Variants in ACADSB observed in about 807,000 individuals in gnomAD.
The protein encoded by ACADSB is acyl-CoA dehydrogenase short/branched chain.
Under a neutral mutation model 54.1 loss-of-function variants are expected in ACADSB, and 40 were observed. The observed-to-expected ratio is 0.74, with a 90% confidence interval of 0.57 to 0.96. The LOEUF is 0.96. Among genes scored for constraint, ACADSB ranks in the 40% least tolerant of loss-of-function variants. The pLI, the probability that ACADSB is intolerant of heterozygous loss-of-function variation, is 0.00. For missense variants in ACADSB, 530 were observed against 510.4 expected (o/e 1.04, Z -0.37); for synonymous variants, 182 against 182.8 (o/e 1.00, Z 0.03).
Position 123,051,198 on chromosome 10 carries a change from A to C in ACADSB, c.1128+12A>C. On this transcript the variant is annotated intron_variant, in intron 9 of 10. Coordinates refer to ENST00000358776, the MANE Select transcript of ACADSB (RefSeq NM_001609.4). ...ACTATGCATCAGAGGTAAAAAAAAA[A>C]AAAAAAAAAAAAAAGGAAAAAGTAA... 1 of 1,380,872 alleles carries C rather than the reference A, an allele frequency of 7.2e-7. No individual in the cohort carries two copies. Among genetic ancestry groups the C allele is most frequent in the Non-Finnish European group, 9.6e-7 (1 of 1,046,856 alleles). 85.5% of individuals were successfully genotyped at this position (1,380,872 alleles called of 1,614,324 possible). A position where few individuals can be genotyped will look rare whatever the true frequency, so the allele number is the denominator to read the frequency against.
chr10:123,042,240 A>C (rs1850485072), intron 5 of ACADSB, among the ~76,000 whole-genome samples: 1 of 152,102 alleles, frequency 6.6e-6, no homozygotes, highest in South Asian at 2.1e-4. Context: ...TGCTGGGATT[A>C]TAGGCGTGAA....
In ACADSB at chr10:123,037,743, A is replaced by T; in HGVS notation, c.203-4A>T. The T allele has an allele frequency of 6.3e-7, 1 of 1,590,666 alleles. No individual in the cohort carries two copies. The highest frequency in any genetic ancestry group is 8.6e-7 in the Non-Finnish European group (1 of 1,158,942). On this transcript the variant is annotated splice_region_variant and splice_polypyrimidine_tract_variant and intron_variant, in intron 2 of 10. Coordinates refer to ENST00000358776, the MANE Select transcript of ACADSB (RefSeq NM_001609.4). ...AGACTTATCAGTAATTCTTTTTCCT[A>T]CAGTTAAAAAATTTGCTCAGGAACA...
intron 1 of ACADSB, among the ~76,000 whole-genome samples, chr10:123,021,617 C>G (rs964922601): frequency 6.6e-6 from 1 of 152,142 alleles, no homozygotes; most frequent in Non-Finnish European, 1.5e-5. Flanking sequence ...AAACATCACA[C>G]GCATAACACA....
chr10:123,020,688 A>G (rs1436817156), intron 1 of ACADSB, among the ~76,000 whole-genome samples: 1 of 152,214 alleles, frequency 6.6e-6, no homozygotes, highest in Non-Finnish European at 1.5e-5. Context: ...TACATTCTCA[A>G]AAACAATGTA....
At chr10:123,010,602 G>C (rs1850014884) in intron 1 of ACADSB, among the ~76,000 whole-genome samples, 1 of 152,198 alleles carries the variant, frequency 6.6e-6, no homozygotes, top group Non-Finnish European at 1.5e-5. Flanking sequence ...TTGGGTCTCA[G>C]TTTCCTGGTC....
intron 1 of ACADSB, among the ~76,000 whole-genome samples, chr10:123,030,929 C>G (rs1317318861): frequency 1.3e-5 from 2 of 152,066 alleles, no homozygotes; most frequent in Admixed American, 1.3e-4. Flanking sequence ...TAGAGGGTTA[C>G]AAAGGAAATC....
intron 1 of ACADSB, among the ~76,000 whole-genome samples, chr10:123,011,876 A>C (rs1210613864): frequency 6.7e-6 from 1 of 149,104 alleles, no homozygotes. Context: ...TTTTTAGACA[A>C]GTTTTCACTC....
At chr10:123,047,430 ATAGGTC>A (rs1850575736) in intron 8 of ACADSB, 132 bp downstream of exon 8, 1 of 705,288 alleles carries the variant, frequency 1.4e-6, no homozygotes, top group Non-Finnish European at 2.5e-6. Context: ...GGAGGAAAGA[ATAGGTC>A]TCAGGGAGTG....
At chr10:123,020,263 A>T (rs1019481373) in intron 1 of ACADSB, among the ~76,000 whole-genome samples, 1 of 152,184 alleles carries the variant, frequency 6.6e-6, no homozygotes, top group Non-Finnish European at 1.5e-5. Flanking sequence ...ATATTTGCCT[A>T]TTCATCTTCA....
At position 123,019,976 on chromosome 10, in the gene ACADSB, A is replaced by G. The variant is rs531420339; in HGVS notation, c.42+10905A>G. Among the ~76,000 whole-genome samples the G allele has an allele frequency of 2.6e-5, 4 of 152,156 alleles. No homozygotes were observed. In the South Asian group the frequency reaches 8.3e-4, roughly 32 times the overall value. On this transcript the variant is annotated intron_variant, in intron 1 of 10. Transcript: ENST00000358776. ...CAGTCTTTTTTTTGTTTTTTTGCTGAATAGAATTTATTGTGAGGGAAGGAA... is the reference window on the plus strand; with the variant it reads ...CAGTCTTTTTTTTGTTTTTTTGCTGGATAGAATTTATTGTGAGGGAAGGAA...
At chr10:123,025,950 A>G (rs1850244860) in intron 1 of ACADSB, among the ~76,000 whole-genome samples, 1 of 152,088 alleles carries the variant, frequency 6.6e-6, no homozygotes, top group Non-Finnish European at 1.5e-5. Flanking sequence ...AATCCCAGCT[A>G]CGCAGGAGGC....
chr10:123,048,942 T>A (rs1164257928), intron 8 of ACADSB, among the ~76,000 whole-genome samples: 1 of 152,104 alleles, frequency 6.6e-6, no homozygotes, highest in Non-Finnish European at 1.5e-5. Flanking sequence ...GGTCTTGATC[T>A]CCTGACCTCG....
Position 123,047,269 on chromosome 10 carries a change from C to T in ACADSB, c.961C>T (p.Gln321Ter), listed in dbSNP as rs1479740047. ...TATTCCATATATTAAAGAAAGGATA[C>T]AATTTGGCAAAAGACTATTTGATTT... ...YTIPYIKERI[Q>*]FGKRLFDFQG... is the part of the protein sequence containing the mutation. Residue 321 changes from glutamine to a stop codon, truncating the protein, a stop_gained, in exon 8 of 11, where the codon CAA becomes TAA. Transcript: ENST00000358776. LOFTEE classifies it high-confidence loss of function. 6.2e-7 allele frequency: 1 copy of T among 1,605,562 alleles called. No homozygotes were observed. Among genetic ancestry groups the T allele is most frequent in the Non-Finnish European group, 8.5e-7 (1 of 1,172,304 alleles).
chr10:123,029,360 GAAAA>G (rs545734756), intron 1 of ACADSB, among the ~76,000 whole-genome samples: 1 of 134,496 alleles, frequency 7.4e-6, no homozygotes. Context: ...AAAAAGAGAA[GAAAA>G]AAAAAAAAGA....
chr10:123,044,879 A>G (rs970870200), intron 7 of ACADSB, among the ~76,000 whole-genome samples: 2 of 152,026 alleles, frequency 1.3e-5, no homozygotes, highest in African/African-American at 2.4e-5. Flanking sequence ...TAGTAAAGAT[A>G]TCTATAGTTA....
At position 123,040,455 on chromosome 10, in the gene ACADSB, T is replaced by G. The variant is rs1455678573; in HGVS notation, c.304-11T>G. 1 of 1,611,232 alleles carries G rather than the reference T, an allele frequency of 6.2e-7. No individual in the cohort carries two copies. The highest frequency in any genetic ancestry group is 8.5e-7 in the Non-Finnish European group (1 of 1,177,456). On this transcript the variant is annotated splice_polypyrimidine_tract_variant and intron_variant, in intron 3 of 10. Coordinates refer to ENST00000358776, the MANE Select transcript of ACADSB (RefSeq NM_001609.4). ...GCTTTCTTAATCTATGTTGCCTTGT[T>G]TTTTCTTTAGTTGATGGGTATTGAA...
chr10:123,044,590 G>A, intron 7 of ACADSB, 105 bp downstream of exon 7: 1 of 885,676 alleles, frequency 1.1e-6, no homozygotes. Context: ...ACACAAGATG[G>A]CACCGTTCCC....
chr10:123,027,553 T>C (rs1400879149), intron 1 of ACADSB: 1 of 455,472 alleles, frequency 2.2e-6, no homozygotes, highest in East Asian at 7.0e-5. Context: ...GCCTTTTGCC[T>C]CCTGCCATGG....
rs76546894 is a variant in ACADSB at position 123,010,324 on chromosome 10, G to C, written c.42+1253G>C. ...GAAAGGGATAGAGCTGGTGGTATTCGAACTCTGGTCTGATTCTAAACTTAA... is the reference window on the plus strand; with the variant it reads ...GAAAGGGATAGAGCTGGTGGTATTCCAACTCTGGTCTGATTCTAAACTTAA... On this transcript the variant is annotated intron_variant, in intron 1 of 10. Transcript: ENST00000358776. Among the ~76,000 whole-genome samples the C allele has an allele frequency of 6.6e-3, 998 of 152,296 alleles. 8 individuals carry two copies. The highest frequency in any genetic ancestry group is 0.023 in the African/African-American group (941 of 41,568).
Sources: allele counts gnomAD v4.1 joint callset (sites outside exome capture counted in the v4.1 genomes callset), GRCh38; gene constraint gnomAD v4.1.1; transcripts MANE v1.5; gene names NCBI Gene and HGNC (gene_info 2026-07-23, HGNC 2026-07-21).